Variants in TTC23L observed in about 807,000 individuals in gnomAD.
TTC23L encodes the protein tetratricopeptide repeat domain 23 like, also known as tetratricopeptide repeat protein 23-like.
Under a neutral mutation model 48.1 loss-of-function variants are expected in TTC23L, and 42 were observed. The ratio of observed to expected loss-of-function variants is 0.87; its 90% CI spans 0.68 to 1.13. The LOEUF (loss-of-function observed/expected upper bound fraction) is 1.13. Ranked by LOEUF, TTC23L falls within the 50% of genes most tolerant of loss-of-function variation. TTC23L has a pLI of 0.00. For missense variants in TTC23L, 391 were observed against 421.0 expected (o/e 0.93, Z 0.62); for synonymous variants, 159 against 157.2 (o/e 1.01, Z -0.09).
chr5:34,913,869 C>T, the TTC23L span: 18 of 471,480 alleles, frequency 3.8e-5, no homozygotes, highest in East Asian at 5.6e-4. Flanking sequence ...GCATGAGCAA[C>T]ATTAGTTTCA....
intron 3 of TTC23L, among the ~76,000 whole-genome samples, chr5:34,846,560 T>TAAAAAA: frequency 1.3e-4 from 1 of 7,564 alleles, no homozygotes; most frequent in Non-Finnish European, 2.1e-4. Context: ...AGACTCTGTC[T>TAAAAAA]CAAAAAAAAA....
chr5:34,906,924 A>G, the TTC23L span: 1 of 152,212 alleles, frequency 6.6e-6, no homozygotes, highest in Non-Finnish European at 1.5e-5. Context: ...GTGGTTATCT[A>G]AACAAAAAAT....
chr5:34,884,376 C>T (rs1195002425), intron 9 of TTC23L, among the ~76,000 whole-genome samples: 1 of 152,080 alleles, frequency 6.6e-6, no homozygotes, highest in East Asian at 1.9e-4. Context: ...CCCACTTTTG[C>T]CACCTCTATT....
At chr5:34,897,104 G>A (rs898588439) in intron 10 of TTC23L, among the ~76,000 whole-genome samples, 18 of 152,126 alleles carry the variant, frequency 1.2e-4, no homozygotes, top group South Asian at 2.1e-4. Context: ...CAAAACCTTC[G>A]GCTGGGTGCT....
At chr5:34,864,456 A>C (rs1760903599) in exon 6 of TTC23L, 1 of 1,613,672 alleles carries the variant, frequency 6.2e-7, no homozygotes, top group African/African-American at 1.3e-5. Context: ...AGCCTATTTC[A>C]ACCTGCAGAA....
the TTC23L span, chr5:34,914,994 T>C: frequency 8.3e-6 from 11 of 1,317,948 alleles, no homozygotes; most frequent in Admixed American, 1.3e-4. Context: ...CTCCCATCAG[T>C]GCTGGCGAGG....
At chr5:34,850,051 T>C in intron 3 of TTC23L, 134 bp from the exon 4 acceptor site, 1 of 1,037,460 alleles carries the variant, frequency 9.6e-7, no homozygotes, top group South Asian at 1.5e-5. Flanking sequence ...CCTGATGGAT[T>C]AGACACAGGA....
At chr5:34,882,557 T>C (rs1762289734) in intron 9 of TTC23L, among the ~76,000 whole-genome samples, 1 of 151,650 alleles carries the variant, frequency 6.6e-6, no homozygotes, top group Non-Finnish European at 1.5e-5. Flanking sequence ...TGTGAGGCTC[T>C]AGGCCTGTCC....
At chr5:34,922,831 ATATAGT>A in the TTC23L span, 35 of 1,453,286 alleles carry the variant, frequency 2.4e-5, no homozygotes, top group South Asian at 3.9e-4. Context: ...TTTTTAGTAG[ATATAGT>A]TGTGTTATTC....
intron 6 of TTC23L, among the ~76,000 whole-genome samples, chr5:34,866,227 C>T (rs534481271): frequency 3.9e-5 from 6 of 152,168 alleles, no homozygotes; most frequent in Non-Finnish European, 8.8e-5. Flanking sequence ...ACCACACAGA[C>T]GTAACTGCTA....
In TTC23L at chr5:34,840,743, A is replaced by G. The variant is rs534651182; in HGVS notation, c.68+4A>G. ...ACTGGGATTTCTGCTTCCATATGTA[A>G]GTATCACAGCATTTTGACATCACAG... On this transcript the variant is annotated splice_donor_region_variant and intron_variant, in intron 2 of 10. Coordinates refer to ENST00000505624, the Ensembl canonical transcript of TTC23L. The G allele has an allele frequency of 5.0e-6, 8 of 1,613,260 alleles. No homozygotes were observed. In the South Asian group the frequency reaches 8.8e-5, roughly 18 times the overall value.
At chr5:34,913,784 ACT>A in the TTC23L span, 6 of 556,684 alleles carry the variant, frequency 1.1e-5, no homozygotes, top group Non-Finnish European at 2.0e-5. Flanking sequence ...TCCCTCTGTG[ACT>A]CTCCCTTGTC....
intron 5 of TTC23L, 54 bp from the exon 6 acceptor site, chr5:34,864,383 C>CA: frequency 6.3e-7 from 1 of 1,599,990 alleles, no homozygotes; most frequent in Non-Finnish European, 8.5e-7. Flanking sequence ...CACCTGCTGT[C>CA]CCTGTGCAGT....
chr5:34,898,797 G>A (rs1763385701), intron 10 of TTC23L, among the ~76,000 whole-genome samples: 1 of 152,116 alleles, frequency 6.6e-6, no homozygotes, highest in Non-Finnish European at 1.5e-5. Context: ...TAAAAAAAGG[G>A]CTATGAAAAC....
the TTC23L span, among the ~76,000 whole-genome samples, chr5:34,912,649 C>A: frequency 6.6e-6 from 1 of 152,096 alleles, no homozygotes; most frequent in African/African-American, 2.4e-5. Flanking sequence ...CACAGCAATT[C>A]AATTTCACCA....
At chr5:34,843,666 C>T (rs1758879459) in intron 2 of TTC23L, among the ~76,000 whole-genome samples, 1 of 149,280 alleles carries the variant, frequency 6.7e-6, no homozygotes, top group Admixed American at 6.7e-5. Flanking sequence ...GATATGATCT[C>T]TTTTTTTTTT....
At chr5:34,896,785 A>AT (rs1393003521) in exon 10 of TTC23L, 1 of 766,028 alleles carries the variant, frequency 1.3e-6, no homozygotes, top group Non-Finnish European at 2.4e-6. Context: ...GTAGCAGTTC[A>AT]TCCAGATGGA....
the TTC23L span, chr5:34,914,666 CACAG>C: frequency 6.2e-7 from 1 of 1,608,264 alleles, no homozygotes; most frequent in African/African-American, 1.3e-5. Flanking sequence ...GTATCTATGG[CACAG>C]GCTTAAAGGC....
chr5:34,900,092 G>A (rs1763464356), downstream of TTC23L, among the ~76,000 whole-genome samples: 1 of 152,010 alleles, frequency 6.6e-6, no homozygotes, highest in Middle Eastern at 3.2e-3. Context: ...GAGTTTATTG[G>A]TGAACACTTT....
Sources: allele counts gnomAD v4.1 joint callset (sites outside exome capture counted in the v4.1 genomes callset), GRCh38; gene constraint gnomAD v4.1.1; transcripts MANE v1.5; gene names NCBI Gene and HGNC (gene_info 2026-07-23, HGNC 2026-07-21).